Variants in TMEM263 observed in about 807,000 individuals in gnomAD.
The protein encoded by TMEM263 is UPF0444 transmembrane protein C12orf23.
In TMEM263, 5 loss-of-function variants were observed where a neutral mutation model predicts 8.6. The ratio of observed to expected loss-of-function variants is 0.58; its 90% confidence interval spans 0.31 to 1.23. The LOEUF (loss-of-function observed/expected upper bound fraction) is 1.23, where lower values mean the gene tolerates loss of function less well. TMEM263 is among the 50% of genes most tolerant of loss of function. The pLI is 0.07. For synonymous variants in TMEM263, 50 were observed against 47.9 expected, an observed-to-expected ratio of 1.04 and a Z score of -0.18; for missense variants, 104 against 138.8, an observed-to-expected ratio of 0.75 and a Z score of 1.26.
chr12:106,958,637 T>C (rs1017479051), intron 2 of TMEM263, among the ~76,000 whole-genome samples: 1 of 152,216 alleles, frequency 6.6e-6, no homozygotes, highest in African/African-American at 2.4e-5. Context: ...TTATAACCAG[T>C]TTAGTTGGTA....
At chr12:106,958,317 A>C (rs945529053) in intron 2 of TMEM263, among the ~76,000 whole-genome samples, 1 of 152,192 alleles carries the variant, frequency 6.6e-6, no homozygotes, top group African/African-American at 2.4e-5. Context: ...ATTATGAATA[A>C]AAATTTTATA....
chr12:106,967,162 A>C lies in TMEM263; in HGVS notation c.46A>C (p.Asn16His). Residue 16 changes from asparagine to histidine, a missense_variant, in exon 3 of 4, where the codon AAT becomes CAT. Physicochemically the swap from Asn to His is moderately conservative, Grantham distance 68. Coordinates refer to ENST00000280756, the MANE Select transcript of TMEM263 (RefSeq NM_152261.4). ...TCAACAAGAAATCCCATCATACCTT[A>C]ATGATGAACCACCAGAAGGTAAGTA... The part of the protein sequence containing the change: ...KNQQEIPSYL[N>H]DEPPEGSMKD... 6.3e-7 allele frequency: 1 copy of C among 1,596,086 alleles called. No individual in the cohort carries two copies. Among genetic ancestry groups the C allele is most frequent in the South Asian group, 1.1e-5 (1 of 88,084 alleles).
intron 2 of TMEM263, among the ~76,000 whole-genome samples, chr12:106,959,044 G>A (rs1951735486): frequency 6.6e-6 from 1 of 152,254 alleles, no homozygotes; most frequent in Non-Finnish European, 1.5e-5. Context: ...ATTCCCACTG[G>A]ATTGTAAACT....
intron 2 of TMEM263, among the ~76,000 whole-genome samples, chr12:106,962,493 C>G (rs1390704690): frequency 6.6e-6 from 1 of 152,190 alleles, no homozygotes; most frequent in African/African-American, 2.4e-5. Context: ...GCTGGCTTCT[C>G]TTTTGCTCAC....
At chr12:106,964,024 A>G (rs1334919100) in intron 2 of TMEM263, among the ~76,000 whole-genome samples, 2 of 152,148 alleles carry the variant, frequency 1.3e-5, no homozygotes, top group South Asian at 4.1e-4. Flanking sequence ...TGCCCAGCCA[A>G]GTGATCTCCT....
intron 2 of TMEM263, among the ~76,000 whole-genome samples, chr12:106,960,507 T>C (rs1200640804): frequency 6.6e-6 from 1 of 152,206 alleles, no homozygotes; most frequent in Non-Finnish European, 1.5e-5. Context: ...TGCTAATAAA[T>C]TTTAAATGCA....
intron 3 of TMEM263, among the ~76,000 whole-genome samples, chr12:106,968,576 C>T (rs1450355254): frequency 6.6e-6 from 1 of 152,122 alleles, no homozygotes; most frequent in African/African-American, 2.4e-5. Flanking sequence ...TAAAGGCCAT[C>T]CAGGGGCATG....
rs1368907779 is a variant in TMEM263, at chr12:106,972,091, T to A, written c.*700T>A. The A allele has an allele frequency of 6.6e-6, 1 of 152,654 alleles. No individual in the cohort carries two copies. Among genetic ancestry groups the A allele is most frequent in the African/African-American group, 2.4e-5 (1 of 41,470 alleles). The allele number at this position is 152,654 out of a possible 1,614,324, so 9.5% of individuals were successfully genotyped here. ...TGTTTGTGAAATTAGTTTTCCCTTTTTAGAATCTCAGGAGTAGTGGGGTAA... is the reference window on the plus strand; with the variant it reads ...TGTTTGTGAAATTAGTTTTCCCTTTATAGAATCTCAGGAGTAGTGGGGTAA... On this transcript the variant is annotated 3_prime_UTR_variant, in exon 4 of 4. Transcript: ENST00000280756.
intron 1 of TMEM263, 133 bp downstream of exon 1, chr12:106,956,198 GC>G (rs891605963): frequency 9.4e-5 from 34 of 362,636 alleles, no homozygotes; most frequent in African/African-American, 6.4e-4. Context: ...CCTTGGCGAG[GC>G]CCCAGCGGGA....
chr12:106,962,284 A>G (rs970631846), intron 2 of TMEM263, among the ~76,000 whole-genome samples: 1 of 150,716 alleles, frequency 6.6e-6, no homozygotes. Context: ...TTTTGTATGC[A>G]TTTTTTAAAA....
rs546086317 is a variant in TMEM263 at position 106,969,979 on chromosome 12, C to T, written c.65-1126C>T. ...ATCTCTAGTTTTTAAAAACTAGATACTTAAAGCACACACTCTCTTTCATAA... is the reference window on the plus strand; with the variant it reads ...ATCTCTAGTTTTTAAAAACTAGATATTTAAAGCACACACTCTCTTTCATAA... On this transcript the variant is annotated intron_variant, in intron 3 of 3. Coordinates refer to ENST00000280756, the MANE Select transcript of TMEM263 (RefSeq NM_152261.4). Among the ~76,000 whole-genome samples, 6 of 151,720 alleles carry T rather than the reference C, an allele frequency of 4.0e-5. No individual in the cohort carries two copies. The South Asian group carries it at 1.2e-3, about 32-fold the overall frequency.
chr12:106,970,029 G>T (rs1373735075), intron 3 of TMEM263, among the ~76,000 whole-genome samples: 2 of 152,096 alleles, frequency 1.3e-5, no homozygotes, highest in African/African-American at 4.8e-5. Flanking sequence ...GTAATTTTAA[G>T]TGTTAACCAT....
intron 3 of TMEM263, among the ~76,000 whole-genome samples, chr12:106,969,741 A>T (rs906095756): frequency 1.3e-5 from 2 of 151,818 alleles, no homozygotes; most frequent in South Asian, 4.1e-4. Context: ...AAAAAAAAAA[A>T]ATATTAGATT....
At chr12:106,960,210 T>C (rs867747086) in intron 2 of TMEM263, among the ~76,000 whole-genome samples, 16 of 152,204 alleles carry the variant, frequency 1.1e-4, no homozygotes, top group African/African-American at 3.6e-4. Context: ...AATTTTTGTA[T>C]TTTTAGTAGA....
intron 2 of TMEM263, among the ~76,000 whole-genome samples, chr12:106,960,922 T>G (rs769307818): frequency 3.0e-4 from 46 of 152,156 alleles, no homozygotes; most frequent in South Asian, 1.9e-3. Context: ...TAGAGTTTTC[T>G]TTTTTTTAAA....
At position 106,973,118 on chromosome 12, in the gene TMEM263, C is replaced by A. The variant is rs1951947757; in HGVS notation, c.*1727C>A. 1 of 151,792 alleles carries A rather than the reference C, an allele frequency of 6.6e-6. No individual in the cohort carries two copies. The highest frequency in any genetic ancestry group is 1.5e-5 in the Non-Finnish European group (1 of 67,940). The allele number at this position is 151,792 out of a possible 1,614,324, so 9.4% of individuals were successfully genotyped here. ...GGTTCTTGAACCTTTCTATTATATA[C>A]AAAACTGAAAAGTCATTAAGGAGTT... On this transcript the variant is annotated 3_prime_UTR_variant, in exon 4 of 4. Transcript: ENST00000280756.
intron 3 of TMEM263, among the ~76,000 whole-genome samples, chr12:106,967,654 G>A (rs201808843): frequency 0.012 from 1,808 of 152,292 alleles, 31 homozygotes; most frequent in African/African-American, 0.041. Flanking sequence ...CTTCTAATAA[G>A]AAAGCATAGA....
At position 106,957,097 on chromosome 12, in the gene TMEM263, C is replaced by T. The variant is rs554635121; in HGVS notation, c.-59C>T. On this transcript the variant is annotated 5_prime_UTR_variant, in exon 2 of 4. Coordinates refer to ENST00000280756, the MANE Select transcript of TMEM263 (RefSeq NM_152261.4). ...TATTGTTTAGCCTTTGAAACTTCTG[C>T]TGGTGTGAGTGCCCTCAGGGGTTCC... is the stretch of plus-strand genomic sequence containing the variant. 1.0e-6 allele frequency: 1 copy of T among 985,428 alleles called. No homozygotes were observed. Among genetic ancestry groups the T allele is most frequent in the Admixed American group, 6.1e-5 (1 of 16,284 alleles). 61.0% of individuals were successfully genotyped at this position (985,428 alleles called of 1,614,324 possible).
At chr12:106,961,247 TTTTTTTTTTTTTTG>T (rs1951774254) in intron 2 of TMEM263, among the ~76,000 whole-genome samples, 1 of 101,932 alleles carries the variant, frequency 9.8e-6, no homozygotes, top group African/African-American at 3.1e-5. Context: ...TTTTTTTTTT[TTTTTTTTTTTTTTG>T]TGGAGACGGA....
Sources: allele counts gnomAD v4.1 joint callset (sites outside exome capture counted in the v4.1 genomes callset), GRCh38; gene constraint gnomAD v4.1.1; transcripts MANE v1.5; gene names NCBI Gene and HGNC (gene_info 2026-07-23, HGNC 2026-07-21).